The following ELF1 variants were observed in gnomAD, a reference collection of about 807,000 sequenced individuals.
The protein encoded by ELF1 is ETS-related transcription factor Elf-1.
ELF1 carries 24 observed loss-of-function variants against 59.9 expected under a neutral mutation model. That is an observed-to-expected ratio of 0.40 (90% CI 0.29 to 0.56). ELF1 has a LOEUF of 0.56. ELF1 is among the 20% of genes least tolerant of loss of function. The pLI, the probability that ELF1 is intolerant of heterozygous loss-of-function variation, is 0.44. For missense variants in ELF1, 627 were observed against 742.2 expected, an observed-to-expected ratio of 0.84 and a Z score of 1.80; for synonymous variants, 248 against 266.2, an observed-to-expected ratio of 0.93 and a Z score of 0.67.
Position 40,933,149 on chromosome 13 carries a change from A to C in ELF1, c.*276T>G, listed in dbSNP as rs576770565. The C allele has an allele frequency of 2.3e-3, 737 of 326,324 alleles. 3 individuals carry two copies. Among genetic ancestry groups the C allele is most frequent in the Non-Finnish European group, 2.1e-3 (389 of 181,680 alleles). The allele number at this position is 326,324 out of a possible 1,614,324, so 20.2% of individuals were successfully genotyped here. A position where few individuals can be genotyped will look rare whatever the true frequency, so the allele number is the denominator to read the frequency against. On this transcript the variant is annotated 3_prime_UTR_variant, in exon 9 of 9. Coordinates refer to ENST00000239882, the MANE Select transcript of ELF1 (RefSeq NM_172373.4). Reference sequence around the variant, plus strand: ...ATGTAAAATTAGAAAAGAAACTTTAAAAATGCTTATGATATAGCAACTGAA... The same window carrying C: ...ATGTAAAATTAGAAAAGAAACTTTACAAATGCTTATGATATAGCAACTGAA...
chr13:41,034,661 G>A (rs970076949), intron 1 of ELF1, among the ~76,000 whole-genome samples: 1 of 151,442 alleles, frequency 6.6e-6, no homozygotes, highest in Non-Finnish European at 1.5e-5. Context: ...TATATTATAC[G>A]ACTTATTAGC....
At chr13:40,996,417 T>C (rs1874130254) in intron 1 of ELF1, among the ~76,000 whole-genome samples, 1 of 152,222 alleles carries the variant, frequency 6.6e-6, no homozygotes, top group Admixed American at 6.5e-5. Flanking sequence ...AAGATGTCCT[T>C]CAGTAGGTGA....
intron 1 of ELF1, among the ~76,000 whole-genome samples, chr13:41,014,696 G>T (rs4264266): frequency 0.047 from 7,149 of 152,152 alleles, 422 homozygotes; most frequent in East Asian, 0.23. Flanking sequence ...ATATGAAGCA[G>T]CTCCTAAGTA....
At chr13:40,997,298 C>T (rs891797885) in intron 1 of ELF1, among the ~76,000 whole-genome samples, 2 of 152,066 alleles carry the variant, frequency 1.3e-5, no homozygotes, top group Non-Finnish European at 2.9e-5. Flanking sequence ...CACTCTGTTG[C>T]CCAGGCTGGA....
intron 2 of ELF1, among the ~76,000 whole-genome samples, chr13:40,959,792 G>A (rs573637789): frequency 6.6e-6 from 1 of 152,158 alleles, no homozygotes; most frequent in Admixed American, 6.5e-5. Flanking sequence ...TAATATCACA[G>A]AATTTTAGAA....
At chr13:40,951,489 T>G in intron 3 of ELF1, 53 bp from the exon 4 acceptor site, 1 of 1,441,692 alleles carries the variant, frequency 6.9e-7, no homozygotes, top group Non-Finnish European at 9.7e-7. Flanking sequence ...TCTGTTACTC[T>G]GAAAGTCATA....
chr13:40,946,040 G>A (rs1172645684), intron 5 of ELF1, among the ~76,000 whole-genome samples: 1 of 152,024 alleles, frequency 6.6e-6, no homozygotes, highest in Non-Finnish European at 1.5e-5. Context: ...CAGAGATTGC[G>A]TTTCACCATG....
intron 1 of ELF1, among the ~76,000 whole-genome samples, chr13:41,039,651 T>C (rs1315730208): frequency 1.3e-5 from 2 of 152,182 alleles, no homozygotes; most frequent in Admixed American, 6.5e-5. Context: ...TCTAAGACAG[T>C]TTTTTATCTC....
intron 1 of ELF1, among the ~76,000 whole-genome samples, chr13:41,009,669 G>A (rs1874939816): frequency 6.6e-6 from 1 of 151,992 alleles, no homozygotes; most frequent in Non-Finnish European, 1.5e-5. Context: ...CAATTTTAAA[G>A]AATTGGTTAT....
chr13:40,997,860 C>A (rs1482587785), intron 1 of ELF1, among the ~76,000 whole-genome samples: 1 of 152,068 alleles, frequency 6.6e-6, no homozygotes, highest in Non-Finnish European at 1.5e-5. Context: ...ACCCAAAAAA[C>A]AAGAAGCAGG....
At chr13:41,032,605 A>G (rs2138409364) in intron 1 of ELF1, among the ~76,000 whole-genome samples, 1 of 152,146 alleles carries the variant, frequency 6.6e-6, no homozygotes, top group Non-Finnish European at 1.5e-5. Context: ...CATGCCTATA[A>G]TCCCAGCACT....
At chr13:41,035,305 T>C (rs979670590) in intron 1 of ELF1, among the ~76,000 whole-genome samples, 1 of 152,262 alleles carries the variant, frequency 6.6e-6, no homozygotes, top group African/African-American at 2.4e-5. Context: ...ATTGGTCATT[T>C]ATTTCAGCAT....
chr13:40,965,190 C>G (rs1027531493), intron 2 of ELF1, among the ~76,000 whole-genome samples: 1 of 152,188 alleles, frequency 6.6e-6, no homozygotes, highest in African/African-American at 2.4e-5. Flanking sequence ...ATCTTACCCA[C>G]CTCAATTTTT....
intron 1 of ELF1, among the ~76,000 whole-genome samples, chr13:40,996,349 C>A (rs1416486458): frequency 6.6e-6 from 1 of 152,206 alleles, no homozygotes; most frequent in Non-Finnish European, 1.5e-5. Flanking sequence ...CCACACAAAA[C>A]CTGCACATGG....
chr13:41,060,701 A>C (rs1877513658), intron 1 of ELF1: 1 of 161,724 alleles, frequency 6.2e-6, no homozygotes, highest in Admixed American at 6.5e-5. Flanking sequence ...AGCCCTCCAA[A>C]CCGATAGTTG....
chr13:41,051,934 CTT>C lies in ELF1; in HGVS notation c.-229+8902_-229+8903del, dbSNP rs757348738. ...ATCACTTTTCTTTCTTTCTTTTTCTCTTTTTTTTTTTTTTTTTTTTGAGACAG... is the reference window on the plus strand; with the variant it reads ...ATCACTTTTCTTTCTTTCTTTTTCTCTTTTTTTTTTTTTTTTTTGAGACAG... On this transcript the variant is annotated intron_variant, in intron 1 of 1. Coordinates refer to the ELF1 transcript ENST00000405737. Among the ~76,000 whole-genome samples the C allele has an allele frequency of 3.2e-3, 413 of 127,184 alleles. 1 individual carries two copies. Among genetic ancestry groups the C allele is most frequent in the African/African-American group, 0.01 (350 of 33,732 alleles). The allele number at this position is 127,184 out of a possible 152,430, so 83.4% of individuals were successfully genotyped here.
intron 1 of ELF1, among the ~76,000 whole-genome samples, chr13:41,056,367 C>T (rs532571071): frequency 3.7e-4 from 57 of 152,292 alleles, no homozygotes; most frequent in African/African-American, 1.3e-3. Context: ...CTACATTTTA[C>T]CTATTCACTC....
At chr13:40,954,598 C>A (rs1201353397) in intron 3 of ELF1, among the ~76,000 whole-genome samples, 3 of 152,088 alleles carry the variant, frequency 2.0e-5, no homozygotes, top group Non-Finnish European at 4.4e-5. Flanking sequence ...CAGGCGCGCG[C>A]CGCCACGCCT....
chr13:40,993,222 G>A, intron 1 of ELF1: 1 of 1,565,012 alleles, frequency 6.4e-7, no homozygotes, highest in Non-Finnish European at 8.8e-7. Context: ...GGCAGGAGCA[G>A]CTGCAACAAC....
Sources: gnomAD v4.1 joint callset for allele counts (sites outside exome capture counted in the v4.1 genomes callset) on GRCh38, gnomAD v4.1.1 for gene constraint, MANE v1.5 for transcripts, NCBI Gene and HGNC (gene_info 2026-07-23, HGNC 2026-07-21) for gene names.